The following CAST variants were observed in gnomAD, a reference collection of about 807,000 sequenced individuals.
CAST encodes the protein MIR583 host.
Under a neutral mutation model 119.6 loss-of-function variants are expected in CAST, and 76 were observed. The observed-to-expected ratio is 0.64, with a 90% CI of 0.53 to 0.77. The LOEUF (loss-of-function observed/expected upper bound fraction) is 0.77, where lower values mean the gene tolerates loss of function less well. Among genes scored for constraint, CAST ranks in the 30% least tolerant of loss-of-function variants. CAST has a pLI of 0.00. For missense variants in CAST, 953 were observed against 946.5 expected (o/e 1.01, Z -0.09); for synonymous variants, 319 against 331.6 (o/e 0.96, Z 0.41).
intron 1 of CAST, among the ~76,000 whole-genome samples, chr5:96,586,679 C>G (rs987275887): frequency 2.0e-5 from 3 of 152,200 alleles, no homozygotes; most frequent in Admixed American, 2.0e-4. Context: ...GCAGCCACAT[C>G]GGTGATAGAT....
chr5:96,558,249 A>G (rs1031445997), intron 1 of CAST, among the ~76,000 whole-genome samples: 8 of 152,328 alleles, frequency 5.3e-5, no homozygotes, highest in Admixed American at 4.6e-4. Flanking sequence ...CACAAGAGAA[A>G]GCAGGAAAGA....
the CAST span, among the ~76,000 whole-genome samples, chr5:96,153,137 T>C: frequency 1.3e-5 from 2 of 152,148 alleles, no homozygotes; most frequent in Non-Finnish European, 2.9e-5. Context: ...TTGTGGTCCT[T>C]GGGTGTATTT....
the CAST span, among the ~76,000 whole-genome samples, chr5:96,223,455 C>T: frequency 6.6e-6 from 1 of 152,054 alleles, no homozygotes; most frequent in African/African-American, 2.4e-5. Context: ...TAGGATGGGT[C>T]TATTTCAATG....
chr5:96,404,396 C>G, the CAST span, among the ~76,000 whole-genome samples: 1 of 152,168 alleles, frequency 6.6e-6, no homozygotes, highest in Non-Finnish European at 1.5e-5. Flanking sequence ...TAAATAAACT[C>G]CCCAGGTGAT....
At chr5:96,452,976 A>AAAAAAAAAG in the CAST span, among the ~76,000 whole-genome samples, 16 of 142,422 alleles carry the variant, frequency 1.1e-4, no homozygotes, top group African/African-American at 3.2e-4. Flanking sequence ...AAAAAAAAAA[A>AAAAAAAAAG]CAGAAGAAAG....
chr5:96,434,189 G>T, the CAST span: 1 of 152,354 alleles, frequency 6.6e-6, no homozygotes. Flanking sequence ...TGGGAGGAGA[G>T]CAAGGAAACA....
At chr5:96,718,264 T>C (rs1251769759) in intron 3 of CAST, among the ~76,000 whole-genome samples, 5 of 152,144 alleles carry the variant, frequency 3.3e-5, no homozygotes, top group Admixed American at 3.3e-4. Context: ...TCTGGTCATA[T>C]AGTAGAGTTG....
At chr5:96,620,036 G>A (rs1455272721) in intron 1 of CAST, among the ~76,000 whole-genome samples, 1 of 152,164 alleles carries the variant, frequency 6.6e-6, no homozygotes, top group Non-Finnish European at 1.5e-5. Flanking sequence ...GACAATGCAT[G>A]TTAAATGACA....
In CAST at chr5:96,750,691, C is replaced by G. The variant is rs1250959323; in HGVS notation, c.1524+9C>G. On this transcript the variant is annotated intron_variant, in intron 20 of 31. Transcript: ENST00000675179. ...CTGAGCCGGCTACCTTGGTGAGTGA[C>G]TCCCTGGGCATTTGAGCAGTGGCTT... 1 of 1,586,824 alleles carries G rather than the reference C, an allele frequency of 6.3e-7. No homozygotes were observed. Among genetic ancestry groups the G allele is most frequent in the Non-Finnish European group, 8.7e-7 (1 of 1,155,316 alleles).
At chr5:96,636,175 A>G (rs1232035631) in intron 1 of CAST, among the ~76,000 whole-genome samples, 1 of 152,216 alleles carries the variant, frequency 6.6e-6, no homozygotes, top group Non-Finnish European at 1.5e-5. Context: ...ATAGAAGCTA[A>G]TGTTCACTTT....
At chr5:96,087,497 C>T in the CAST span, among the ~76,000 whole-genome samples, 1 of 152,100 alleles carries the variant, frequency 6.6e-6, no homozygotes, top group South Asian at 2.1e-4. Flanking sequence ...AGAGGAAAGG[C>T]AGTGTCAGTG....
At chr5:96,033,887 T>C in the CAST span, among the ~76,000 whole-genome samples, 2 of 152,162 alleles carry the variant, frequency 1.3e-5, no homozygotes, top group East Asian at 3.8e-4. Flanking sequence ...GGAGAAAATA[T>C]TAGCAAACTA....
At chr5:96,020,482 C>T in the CAST span, among the ~76,000 whole-genome samples, 1 of 152,160 alleles carries the variant, frequency 6.6e-6, no homozygotes, top group Admixed American at 6.5e-5. Flanking sequence ...TTCATCTGTA[C>T]TTATAGCTGC....
At chr5:96,443,035 T>C in the CAST span, among the ~76,000 whole-genome samples, 1 of 152,178 alleles carries the variant, frequency 6.6e-6, no homozygotes, top group African/African-American at 2.4e-5. Context: ...GTAGCTCTAT[T>C]ATTATCTCTT....
chr5:96,589,420 T>C (rs1213035559), intron 1 of CAST, among the ~76,000 whole-genome samples: 1 of 152,208 alleles, frequency 6.6e-6, no homozygotes, highest in Non-Finnish European at 1.5e-5. Context: ...GTATTAAAAA[T>C]GGAAAGTTTA....
the CAST span, chr5:96,432,244 T>A: frequency 1.1e-6 from 1 of 880,228 alleles, no homozygotes; most frequent in Non-Finnish European, 1.7e-6. Flanking sequence ...GATGGTCCCG[T>A]GTCTTTCACC....
At chr5:96,666,895 A>T (rs996103076) in intron 1 of CAST, among the ~76,000 whole-genome samples, 1 of 151,642 alleles carries the variant, frequency 6.6e-6, no homozygotes, top group Non-Finnish European at 1.5e-5. Flanking sequence ...TTGTCTCAGC[A>T]GATACAAAAC....
the CAST span, among the ~76,000 whole-genome samples, chr5:96,040,459 A>C: frequency 1.3e-5 from 2 of 152,134 alleles, no homozygotes; most frequent in Non-Finnish European, 1.5e-5. Flanking sequence ...CCAGTTTTCA[A>C]AGGGAGTGCT....
the CAST span, among the ~76,000 whole-genome samples, chr5:96,169,980 A>G: frequency 1.3e-5 from 2 of 152,186 alleles, no homozygotes; most frequent in African/African-American, 4.8e-5. Context: ...CAATACCCAC[A>G]ACAGTTATGG....
Sources: allele counts gnomAD v4.1 joint callset (sites outside exome capture counted in the v4.1 genomes callset), GRCh38; gene constraint gnomAD v4.1.1; transcripts MANE v1.5; gene names NCBI Gene and HGNC (gene_info 2026-07-23, HGNC 2026-07-21).